The following KDM4B variants were observed in gnomAD, a reference collection of about 807,000 sequenced individuals.
The protein encoded by KDM4B is lysine-specific demethylase 4B.
A neutral mutation model predicts 125.2 loss-of-function variants in KDM4B; 32 were observed. The ratio of observed to expected loss-of-function variants is 0.26; its 90% CI spans 0.19 to 0.34. The LOEUF (loss-of-function observed/expected upper bound fraction) is 0.34. KDM4B is among the 10% of genes least tolerant of loss of function. KDM4B has a pLI of 1.00. For missense variants in KDM4B, 1,190 were observed against 1,577.7 expected, an observed-to-expected ratio of 0.75 and a Z score of 4.16; for synonymous variants, 721 against 677.9, an observed-to-expected ratio of 1.06 and a Z score of -0.99.
intron 15 of KDM4B, among the ~76,000 whole-genome samples, chr19:5,136,605 C>T (rs538479264): frequency 2.6e-5 from 4 of 152,274 alleles, no homozygotes; most frequent in African/African-American, 7.2e-5. Flanking sequence ...CACAGCCGGG[C>T]CGCCCCAGCC....
At chr19:5,146,179 C>G (rs1403593226) in intron 21 of KDM4B, among the ~76,000 whole-genome samples, 1 of 149,866 alleles carries the variant, frequency 6.7e-6, no homozygotes, top group African/African-American at 2.4e-5. Context: ...GACCGCCTTG[C>G]CATGCAGGCC....
chr19:5,065,733 G>C (rs761339457), intron 6 of KDM4B, among the ~76,000 whole-genome samples: 21 of 152,178 alleles, frequency 1.4e-4, no homozygotes, highest in Non-Finnish European at 8.8e-5. Context: ...TCCGGCTCCA[G>C]CTCCGGCTCC....
intron 21 of KDM4B, among the ~76,000 whole-genome samples, chr19:5,146,939 CAAAAAAAAAAAAAA>C (rs1182135277): frequency 3.3e-5 from 2 of 60,556 alleles, no homozygotes; most frequent in Non-Finnish European, 5.7e-5. Flanking sequence ...ACCCTGTCTC[CAAAAAAAAAAAAAA>C]AAAAAAAAAC....
At chr19:4,983,235 G>A (rs866622985) in intron 1 of KDM4B, among the ~76,000 whole-genome samples, 10 of 151,008 alleles carry the variant, frequency 6.6e-5, no homozygotes, top group Middle Eastern at 3.4e-3. Context: ...CCCTGGCCCC[G>A]GATGCACTGA....
chr19:5,137,835 G>A (rs2613786), intron 17 of KDM4B, 127 bp from the exon 18 acceptor site: 507,197 of 1,019,680 alleles, frequency 0.5, 129,070 homozygotes, highest in East Asian at 0.68. Context: ...AGGAGCATAC[G>A]CCTGCACCGA....
chr19:5,057,108 CCT>C (rs1339670587), intron 6 of KDM4B, among the ~76,000 whole-genome samples: 1 of 151,572 alleles, frequency 6.6e-6, no homozygotes, highest in African/African-American at 2.4e-5. Flanking sequence ...CCGGCTGTCC[CCT>C]GTGTACCTCG....
At chr19:4,986,712 C>T (rs1270940199) in intron 1 of KDM4B, among the ~76,000 whole-genome samples, 1 of 152,198 alleles carries the variant, frequency 6.6e-6, no homozygotes, top group East Asian at 1.9e-4. Context: ...CAGTCAGAGA[C>T]CTCTGAGCGA....
intron 6 of KDM4B, among the ~76,000 whole-genome samples, chr19:5,058,984 G>A (rs1032353033): frequency 6.6e-6 from 1 of 152,226 alleles, no homozygotes; most frequent in African/African-American, 2.4e-5. Context: ...CCCGCCAGGC[G>A]GTGTTTGGAT....
chr19:5,015,946 T>C (rs2035879608), intron 1 of KDM4B, among the ~76,000 whole-genome samples: 1 of 152,182 alleles, frequency 6.6e-6, no homozygotes, highest in African/African-American at 2.4e-5. Flanking sequence ...TGAAAATCTC[T>C]CAGTAGGTGT....
At chr19:4,993,147 T>C (rs751387878) in intron 1 of KDM4B, among the ~76,000 whole-genome samples, 50 of 152,212 alleles carry the variant, frequency 3.3e-4, no homozygotes, top group Non-Finnish European at 6.5e-4. Context: ...TGGGGGCTCA[T>C]GCCTGTAATC....
At chr19:5,143,945 C>T (rs2039791063) in intron 18 of KDM4B, 22 bp from the exon 19 acceptor site, 2 of 1,562,022 alleles carry the variant, frequency 1.3e-6, no homozygotes, top group Non-Finnish European at 1.7e-6. Context: ...CCCCATGCCC[C>T]TGCCTGTGTC....
rs998953130 is a variant in KDM4B, at chr19:5,082,082, G to A, written c.781-285G>A. Among the ~76,000 whole-genome samples, 2 of 152,216 alleles carry A rather than the reference G, an allele frequency of 1.3e-5. No individual in the cohort carries two copies. Among genetic ancestry groups the A allele is most frequent in the African/African-American group, 4.8e-5 (2 of 41,448 alleles). The stretch of plus-strand genomic sequence containing the variant: ...GTTCTCCCACTGGGGTGATGCTGAC[G>A]GCCGCCTTGGGGCAGGGCAGGGGCT... On this transcript the variant is annotated intron_variant, in intron 8 of 22. Transcript: ENST00000159111. The surrounding 1 kb of genome is among the most constrained non-coding windows in gnomAD (Gnocchi z 5.4).
At chr19:4,999,597 A>C (rs1406777375) in intron 1 of KDM4B, among the ~76,000 whole-genome samples, 2 of 152,176 alleles carry the variant, frequency 1.3e-5, no homozygotes, top group Non-Finnish European at 2.9e-5. Context: ...ACACATGTAC[A>C]TTGTGTGTGT....
chr19:5,120,129 G>A (rs1279385867), intron 11 of KDM4B, among the ~76,000 whole-genome samples: 1 of 152,178 alleles, frequency 6.6e-6, no homozygotes, highest in Non-Finnish European at 1.5e-5. Flanking sequence ...GGCCAAGGTG[G>A]CAGGATCACT....
intron 1 of KDM4B, among the ~76,000 whole-genome samples, chr19:4,977,290 G>A (rs950367963): frequency 2.0e-5 from 3 of 152,220 alleles, no homozygotes; most frequent in Admixed American, 1.3e-4. Context: ...TGAGAATCCC[G>A]AGGCCGACTG....
chr19:5,080,055 C>A (rs35249809), intron 8 of KDM4B, among the ~76,000 whole-genome samples: 1 of 152,198 alleles, frequency 6.6e-6, no homozygotes, highest in Admixed American at 6.5e-5. Context: ...GTGTTCCCCC[C>A]CCACCCCTAT....
intron 2 of KDM4B, among the ~76,000 whole-genome samples, chr19:5,023,656 C>T (rs1312145132): frequency 6.6e-6 from 1 of 151,966 alleles, no homozygotes; most frequent in Non-Finnish European, 1.5e-5. Flanking sequence ...CCAGTGGGAG[C>T]AGGAGGTGGG....
rs766213816 is a variant in KDM4B, at chr19:5,131,297, G to A, written c.1537G>A (p.Val513Met). 6.2e-7 allele frequency: 1 copy of A among 1,612,202 alleles called. No homozygotes were observed. Among genetic ancestry groups the A allele is most frequent in the Non-Finnish European group, 8.5e-7 (1 of 1,179,792 alleles). Residue 513 changes from valine to methionine, a missense_variant, in exon 12 of 23, where the codon GTG (valine) becomes ATG (methionine). By Grantham distance (21) the Val-to-Met change is conservative. Transcript: ENST00000159111. ...ACCCCTTAATGTCGTGCCCCCTGAG[G>A]TGCCCAGTGAGGAGCTAGAGGCCAA... ...PAPLNVVPPEVPSEELEAKPR... is the reference protein window; with the variant it reads ...PAPLNVVPPEMPSEELEAKPR...
Position 5,024,516 on chromosome 19 carries a change from G to A in KDM4B, c.-26+8177G>A, listed in dbSNP as rs1441276284. 2.6e-5 allele frequency among the ~76,000 whole-genome samples: 4 copies of A among 152,238 alleles called. No individual in the cohort carries two copies. The East Asian group carries it at 5.8e-4, about 22-fold the overall frequency. ...TGTTCCTCCCCCAGGTTGCAGAGGA[G>A]CTGTCCAGGACAGCCGGGGTGGGGC... On this transcript the variant is annotated intron_variant, in intron 2 of 22. Coordinates refer to ENST00000159111, the MANE Select transcript of KDM4B (RefSeq NM_015015.3).
Sources: allele counts gnomAD v4.1 joint callset (sites outside exome capture counted in the v4.1 genomes callset), GRCh38; gene constraint gnomAD v4.1.1; non-coding constraint Gnocchi (gnomAD v3.1); transcripts MANE v1.5; gene names NCBI Gene and HGNC (gene_info 2026-07-23, HGNC 2026-07-21).